The following AMMECR1 variants were observed in gnomAD, a reference collection of about 807,000 sequenced individuals.
The protein encoded by AMMECR1 is nuclear protein AMMECR1.
A neutral mutation model predicts 22.5 loss-of-function variants in AMMECR1; 3 were observed. The ratio of observed to expected loss-of-function variants is 0.13; its 90% CI spans 0.06 to 0.35. The LOEUF (loss-of-function observed/expected upper bound fraction) is 0.35. Among genes scored for constraint, AMMECR1 ranks in the 10% least tolerant of loss-of-function variants. AMMECR1 has a pLI of 1.00. For synonymous variants in AMMECR1, 130 were observed against 116.7 expected, an observed-to-expected ratio of 1.11 and a Z score of -0.74; for missense variants, 235 against 278.7, an observed-to-expected ratio of 0.84 and a Z score of 1.12.
At chrX:110,253,953 T>C (rs1009993321) in intron 2 of AMMECR1, among the ~76,000 whole-genome samples, 1 of 111,903 alleles carries the variant, frequency 8.9e-6, no homozygotes, top group Non-Finnish European at 1.9e-5. Flanking sequence ...GTAGTCTCTT[T>C]TCTTCCCTAA....
chrX:110,373,021 T>A (rs1237673429), intron 2 of AMMECR1, among the ~76,000 whole-genome samples: 1 of 112,330 alleles, frequency 8.9e-6, no homozygotes, highest in African/African-American at 3.2e-5. Flanking sequence ...GTACTTACTA[T>A]GTGCCAAGCA....
chrX:110,357,959 C>G (rs925315280), intron 2 of AMMECR1, among the ~76,000 whole-genome samples: 1 of 111,465 alleles, frequency 9.0e-6, no homozygotes, highest in African/African-American at 3.3e-5. Flanking sequence ...TTGCCTGGCC[C>G]TCTGTCTCCC....
chrX:110,290,164 T>G (rs2067900221), intron 1 of AMMECR1, among the ~76,000 whole-genome samples: 1 of 112,140 alleles, frequency 8.9e-6, no homozygotes, highest in Non-Finnish European at 1.9e-5. Context: ...ACTCCAATGC[T>G]TTCCCAGTAA....
intron 2 of AMMECR1, among the ~76,000 whole-genome samples, chrX:110,419,541 A>G (rs1003823075): frequency 1.8e-5 from 2 of 112,718 alleles, no homozygotes; most frequent in African/African-American, 3.2e-5. Context: ...ACTGGAATGT[A>G]AGCTCCAAGA....
intron 1 of AMMECR1, chrX:110,305,384 T>G (rs1372556391): frequency 1.8e-5 from 2 of 112,075 alleles, no homozygotes; most frequent in African/African-American, 6.5e-5. Flanking sequence ...ATAGTAAAAA[T>G]TCTACTTTCT....
chrX:110,385,040 A>C (rs2068445616), intron 2 of AMMECR1, among the ~76,000 whole-genome samples: 1 of 111,158 alleles, frequency 9.0e-6, no homozygotes, highest in Non-Finnish European at 1.9e-5. Flanking sequence ...AAAAATAACA[A>C]GTGTTGACTA....
intron 3 of AMMECR1, among the ~76,000 whole-genome samples, chrX:110,207,099 A>G (rs184795691): frequency 3.3e-4 from 37 of 111,089 alleles, no homozygotes; most frequent in African/African-American, 1.2e-3. Context: ...ACACCCCCTA[A>G]CCTTTAGAGG....
At chrX:110,375,753 G>C (rs991557540) in intron 2 of AMMECR1, among the ~76,000 whole-genome samples, 20 of 112,084 alleles carry the variant, frequency 1.8e-4, no homozygotes, top group African/African-American at 5.5e-4. Flanking sequence ...AGTACTTTAA[G>C]GGTGAAATCA....
intron 2 of AMMECR1, among the ~76,000 whole-genome samples, chrX:110,355,037 A>G (rs892246265): frequency 1.8e-5 from 2 of 112,490 alleles, no homozygotes; most frequent in Non-Finnish European, 3.8e-5. Context: ...TGCACAGCAG[A>G]TGAAACAATT....
chrX:110,339,819 AC>A (rs1025470289), intron 2 of AMMECR1, among the ~76,000 whole-genome samples: 1 of 111,804 alleles, frequency 8.9e-6, no homozygotes, highest in Non-Finnish European at 1.9e-5. Flanking sequence ...ATAACTATAT[AC>A]CTGTAAGTTA....
intron 2 of AMMECR1, among the ~76,000 whole-genome samples, chrX:110,365,585 A>G (rs2068292030): frequency 8.9e-6 from 1 of 111,849 alleles, no homozygotes; most frequent in African/African-American, 3.3e-5. Flanking sequence ...TCTCTCTAAT[A>G]TCTTAAACTG....
At chrX:110,249,247 A>T (rs1024351226) in intron 2 of AMMECR1, among the ~76,000 whole-genome samples, 1 of 110,432 alleles carries the variant, frequency 9.1e-6, no homozygotes, top group South Asian at 3.8e-4. Context: ...TTTTTCTGTA[A>T]GTGGACACCA....
In AMMECR1 at chrX:110,382,840, C is replaced by G. The variant is rs1345810629; in HGVS notation, c.-148+43818G>C. 1.1e-4 allele frequency among the ~76,000 whole-genome samples: 12 copies of G among 112,059 alleles called. No individual in the cohort carries two copies. The Admixed American group carries it at 1.1e-3, about 11-fold the overall frequency. ...GTCGTTTCTCAGCTGGACCAGGCTT[C>G]CTGCCTCTAATTCGTTTCTTCCTCC... is the stretch of plus-strand genomic sequence containing the variant. On this transcript the variant is annotated intron_variant, in intron 2 of 7. Coordinates refer to the AMMECR1 transcript ENST00000372057.
intron 2 of AMMECR1, among the ~76,000 whole-genome samples, chrX:110,340,172 C>T (rs374750414): frequency 2.7e-5 from 3 of 110,713 alleles, no homozygotes; most frequent in East Asian, 2.8e-4. Context: ...GTGATGATGA[C>T]GATGATGACG....
intron 5 of AMMECR1, among the ~76,000 whole-genome samples, chrX:110,200,069 TC>T (rs2067389544): frequency 1.8e-5 from 2 of 111,468 alleles, no homozygotes; most frequent in African/African-American, 6.5e-5. Flanking sequence ...CACAAGGTCT[TC>T]CTTAAGGGAA....
chrX:110,317,326 G>A (rs2068053687), intron 1 of AMMECR1, among the ~76,000 whole-genome samples: 1 of 111,455 alleles, frequency 9.0e-6, no homozygotes, highest in Non-Finnish European at 1.9e-5. Flanking sequence ...AAGTAAAGGA[G>A]TCAAAACTCC....
chrX:110,358,435 A>C (rs1262694653), intron 2 of AMMECR1, among the ~76,000 whole-genome samples: 1 of 111,105 alleles, frequency 9.0e-6, no homozygotes, highest in Non-Finnish European at 1.9e-5. Flanking sequence ...AGTGCTTACC[A>C]CATGCCAGGC....
Position 110,198,578 on chromosome X carries a change from T to A in AMMECR1, c.944A>T (p.His315Leu), listed in dbSNP as rs1437819388. 8.3e-7 allele frequency: 1 copy of A among 1,203,570 alleles called. No homozygotes were observed. ...SYAEYLAHRQ[H>L]HHFQNGIGHP... ...CCCAATGCCATTTTGGAAATGATGA[T>A]GCTGGCGATGAGCAAGGTATTCAGC... Residue 315 changes from histidine to leucine, a missense_variant, in exon 6 of 6, where the codon CAT becomes CTT. His to Leu is a moderately conservative substitution (Grantham distance 99). Transcript: ENST00000262844.
intron 2 of AMMECR1, among the ~76,000 whole-genome samples, chrX:110,363,574 C>T (rs1480190818): frequency 9.0e-6 from 1 of 111,707 alleles, no homozygotes; most frequent in Non-Finnish European, 1.9e-5. Flanking sequence ...GATATTGTGA[C>T]ATGTACAAAC....
Sources: gnomAD v4.1 joint callset for allele counts (sites outside exome capture counted in the v4.1 genomes callset) on GRCh38, gnomAD v4.1.1 for gene constraint, MANE v1.5 for transcripts, NCBI Gene and HGNC (gene_info 2026-07-23, HGNC 2026-07-21) for gene names.